The following GRID1 variants were observed in gnomAD, a reference collection of about 807,000 sequenced individuals.
GRID1 encodes glutamate ionotropic receptor delta type subunit 1, also known as glutamate receptor ionotropic, delta-1.
A neutral mutation model predicts 98.0 loss-of-function variants in GRID1; 28 were observed. That is an observed-to-expected ratio of 0.29 (90% CI 0.21 to 0.39). GRID1 has a LOEUF of 0.39. Among genes scored for constraint, GRID1 ranks in the 10% least tolerant of loss-of-function variants. The pLI, the probability that GRID1 is intolerant of heterozygous loss-of-function variation, is 1.00. For synonymous variants in GRID1, 553 were observed against 538.5 expected, an observed-to-expected ratio of 1.03 and a Z score of -0.37; for missense variants, 1,111 against 1,340.5, an observed-to-expected ratio of 0.83 and a Z score of 2.67.
chr10:85,816,276 G>C (rs1474163049), intron 8 of GRID1, among the ~76,000 whole-genome samples: 1 of 152,118 alleles, frequency 6.6e-6, no homozygotes, highest in Non-Finnish European at 1.5e-5. Flanking sequence ...AAATAATCAA[G>C]ATGTCCTTCA....
At chr10:86,323,092 A>T (rs571610409) in intron 2 of GRID1, among the ~76,000 whole-genome samples, 1 of 152,290 alleles carries the variant, frequency 6.6e-6, no homozygotes, top group Non-Finnish European at 1.5e-5. Context: ...GCAAGACTCT[A>T]TATGAAAAAG....
intron 15 of GRID1, among the ~76,000 whole-genome samples, chr10:85,612,512 T>C (rs1247183272): frequency 6.6e-6 from 1 of 152,100 alleles, no homozygotes; most frequent in African/African-American, 2.4e-5. Flanking sequence ...CTTTACCACT[T>C]CCTGTTTGAG....
intron 8 of GRID1, among the ~76,000 whole-genome samples, chr10:85,734,103 C>A (rs1183790698): frequency 6.6e-6 from 1 of 152,094 alleles, no homozygotes; most frequent in Non-Finnish European, 1.5e-5. Context: ...AGAGTCAGAA[C>A]CCAATAAATC....
chr10:85,991,108 G>C (rs755552740), intron 4 of GRID1, among the ~76,000 whole-genome samples: 14 of 152,212 alleles, frequency 9.2e-5, no homozygotes, highest in Non-Finnish European at 1.6e-4. Flanking sequence ...GGGGGCAAGA[G>C]TAGAGAGATG....
intron 8 of GRID1, among the ~76,000 whole-genome samples, chr10:85,851,212 C>A (rs1458406008): frequency 6.6e-6 from 1 of 152,082 alleles, no homozygotes; most frequent in Non-Finnish European, 1.5e-5. Context: ...GCATATACCA[C>A]CCCCCACCCC....
At chr10:86,233,384 G>A (rs1186374961) in intron 2 of GRID1, among the ~76,000 whole-genome samples, 3 of 152,218 alleles carry the variant, frequency 2.0e-5, no homozygotes, top group Admixed American at 1.3e-4. Flanking sequence ...GTGGTGCGGA[G>A]GCTGTTCCCT....
At chr10:86,208,970 G>A (rs958298927) in intron 2 of GRID1, among the ~76,000 whole-genome samples, 2 of 152,170 alleles carry the variant, frequency 1.3e-5, no homozygotes, top group African/African-American at 4.8e-5. Flanking sequence ...GGTTATGAAA[G>A]TGCCCCATTT....
chr10:85,803,990 A>G (rs1001078155), intron 8 of GRID1, among the ~76,000 whole-genome samples: 3 of 151,926 alleles, frequency 2.0e-5, no homozygotes, highest in Admixed American at 6.6e-5. Flanking sequence ...TTAAGGAGCT[A>G]AGAAGAACAA....
At chr10:85,675,102 T>C (rs1841129609) in intron 12 of GRID1, among the ~76,000 whole-genome samples, 1 of 152,174 alleles carries the variant, frequency 6.6e-6, no homozygotes, top group Admixed American at 6.5e-5. Flanking sequence ...AAACATTTCC[T>C]CTTAGGAAAA....
intron 2 of GRID1, among the ~76,000 whole-genome samples, chr10:86,340,628 GTT>G (rs1389590773): frequency 6.6e-6 from 1 of 152,190 alleles, no homozygotes; most frequent in African/African-American, 2.4e-5. Flanking sequence ...GGGAGTCACT[GTT>G]TCTCTAGACC....
chr10:85,647,082 C>T (rs1843203019), intron 13 of GRID1, 120 bp downstream of exon 13: 5 of 754,592 alleles, frequency 6.6e-6, no homozygotes, highest in African/African-American at 3.5e-5. Context: ...TGCGATGGAT[C>T]GCCTTGCAGG....
intron 12 of GRID1, among the ~76,000 whole-genome samples, chr10:85,653,151 T>G (rs1840847402): frequency 6.6e-6 from 1 of 152,220 alleles, no homozygotes; most frequent in Non-Finnish European, 1.5e-5. Context: ...AAAGCAGTCT[T>G]GACTTGCAGG....
rs1056827606 is a variant in GRID1, at chr10:85,853,478, CAT to C, written c.1233+1016_1233+1017del. 2.8e-4 allele frequency among the ~76,000 whole-genome samples: 42 copies of C among 152,308 alleles called. No homozygotes were observed. In the Middle Eastern group the frequency reaches 0.02, roughly 74 times the overall value. On this transcript the variant is annotated intron_variant, in intron 8 of 15. Transcript: ENST00000327946. ...GTGTGTGTGAGCATGTCTGTGAATA[CAT>C]GAGGCTGTGCCTGAGTACATGCCAA...
intron 2 of GRID1, among the ~76,000 whole-genome samples, chr10:86,355,191 G>A (rs1021447647): frequency 6.6e-6 from 1 of 152,216 alleles, no homozygotes; most frequent in Non-Finnish European, 1.5e-5. Context: ...CAGGGAAACC[G>A]AGGTTGCCCA....
At chr10:86,021,609 C>G (rs1843050042) in intron 4 of GRID1, among the ~76,000 whole-genome samples, 1 of 152,116 alleles carries the variant, frequency 6.6e-6, no homozygotes. Flanking sequence ...AGCCCCCACA[C>G]ATGCATGATC....
intron 2 of GRID1, among the ~76,000 whole-genome samples, chr10:86,223,250 C>A (rs979311979): frequency 6.6e-6 from 1 of 152,180 alleles, no homozygotes; most frequent in Non-Finnish European, 1.5e-5. Flanking sequence ...CCAGCCCTGC[C>A]CTGCGCATGG....
rs1841628250 is a variant in GRID1 at position 85,715,496 on chromosome 10, A to T, written c.1997+7507T>A. Among the ~76,000 whole-genome samples the T allele has an allele frequency of 2.0e-5, 3 of 152,196 alleles. No homozygotes were observed. The South Asian group carries it at 6.2e-4, about 31-fold the overall frequency. ...TGCTAATATCCAAAATATATAAGGAAATCAAAAACTCACTAACCACAAAAC... is the reference window on the plus strand; with the variant it reads ...TGCTAATATCCAAAATATATAAGGATATCAAAAACTCACTAACCACAAAAC... On this transcript the variant is annotated intron_variant, in intron 12 of 15. Transcript: ENST00000327946.
chr10:85,727,369 T>C (rs907231554), intron 10 of GRID1, among the ~76,000 whole-genome samples: 10 of 152,184 alleles, frequency 6.6e-5, no homozygotes, highest in Admixed American at 2.0e-4. Context: ...GAAGATGCAG[T>C]TTCTACGGGA....
rs184305280 is a variant in GRID1 at position 86,180,427 on chromosome 10, G to A, written c.520+25937C>T. ...TCTAGGACCTCAGAGGTTGTCCTCA[G>A]AGTGCCCCATACTGACCACGTCCTA... On this transcript the variant is annotated intron_variant, in intron 3 of 15. Coordinates refer to ENST00000327946, the MANE Select transcript of GRID1 (RefSeq NM_017551.3). Among the ~76,000 whole-genome samples the A allele has an allele frequency of 3.3e-5, 5 of 152,290 alleles. No homozygotes were observed. The East Asian group carries it at 7.7e-4, about 24-fold the overall frequency.
Sources: allele counts gnomAD v4.1 joint callset (sites outside exome capture counted in the v4.1 genomes callset), GRCh38; gene constraint gnomAD v4.1.1; transcripts MANE v1.5; gene names NCBI Gene and HGNC (gene_info 2026-07-23, HGNC 2026-07-21).